RIMBP2: variants seen among roughly 807,000 people sequenced by gnomAD.
The protein encoded by RIMBP2 is RIMS binding protein 2.
RIMBP2 carries 48 observed loss-of-function variants against 118.6 expected under a neutral mutation model. The observed-to-expected ratio is 0.40, with a 90% confidence interval of 0.32 to 0.51. The LOEUF is 0.51. Among genes scored for constraint, RIMBP2 ranks in the 20% least tolerant of loss-of-function variants. The pLI is 0.41. For synonymous variants in RIMBP2, 762 were observed against 742.9 expected, an observed-to-expected ratio of 1.03 and a Z score of -0.42; for missense variants, 1,551 against 1,768.3, an observed-to-expected ratio of 0.88 and a Z score of 2.20.
chr12:130,555,420 A>G (rs1440114595), intron 2 of RIMBP2, among the ~76,000 whole-genome samples: 1 of 152,230 alleles, frequency 6.6e-6, no homozygotes, highest in Admixed American at 6.5e-5. Flanking sequence ...CTGGACACAG[A>G]CGGCCTTAGT....
intron 2 of RIMBP2, among the ~76,000 whole-genome samples, chr12:130,625,775 C>A (rs1268202691): frequency 6.6e-6 from 1 of 152,124 alleles, no homozygotes; most frequent in African/African-American, 2.4e-5. Flanking sequence ...CCCAGAATGA[C>A]CAAAATTTAA....
intron 1 of RIMBP2, among the ~76,000 whole-genome samples, chr12:130,646,329 GCCTCACCACCTCCCTCACCACCTC>G (rs1362078391): frequency 3.7e-4 from 1 of 2,676 alleles, no homozygotes; most frequent in Non-Finnish European, 7.9e-4. Flanking sequence ...CTCTCCACCT[GCCTCACCACCTCCCTCACCACCTC>G]CCTCACCACC....
At chr12:130,522,117 G>GGGATTTAA (rs764449954) in intron 2 of RIMBP2, among the ~76,000 whole-genome samples, 28 of 152,338 alleles carry the variant, frequency 1.8e-4, no homozygotes, top group Non-Finnish European at 3.4e-4. Context: ...CCCTCCCAGG[G>GGGATTTAA]CAGCTACAGA....
In RIMBP2 at chr12:130,694,627, G is replaced by A. The variant is rs138342814; in HGVS notation, c.-352+21595C>T. Among the ~76,000 whole-genome samples the A allele has an allele frequency of 3.1e-3, 465 of 152,200 alleles. 1 individual carries two copies. The highest frequency in any genetic ancestry group is 0.011 in the African/African-American group (441 of 41,520). The stretch of plus-strand genomic sequence containing the variant: ...CCACGGCCCTCCCGTAGAGAATTCC[G>A]CTCATCCTTCTTCTCTGCATGGATG... On this transcript the variant is annotated intron_variant, in intron 1 of 22. Coordinates refer to ENST00000690449, the MANE Select transcript of RIMBP2 (RefSeq NM_001393629.1).
At chr12:130,466,673 T>C (rs535605111) in intron 6 of RIMBP2, among the ~76,000 whole-genome samples, 2 of 152,274 alleles carry the variant, frequency 1.3e-5, no homozygotes, top group African/African-American at 4.8e-5. Context: ...CCCTCAGAAT[T>C]TGCACACACA....
chr12:130,461,320 G>A (rs780738732), intron 6 of RIMBP2, among the ~76,000 whole-genome samples: 33 of 152,304 alleles, frequency 2.2e-4, no homozygotes, highest in African/African-American at 6.5e-4. Flanking sequence ...AGTCCTGCAC[G>A]CAGACTGGCA....
intron 2 of RIMBP2, among the ~76,000 whole-genome samples, chr12:130,604,204 TAAAGA>T (rs1269085696): frequency 6.6e-6 from 1 of 151,090 alleles, no homozygotes; most frequent in Non-Finnish European, 1.5e-5. Flanking sequence ...AATAAGGATA[TAAAGA>T]AAAGGATTTT....
chr12:130,470,544 G>T, intron 6 of RIMBP2, 149 bp downstream of exon 6: 1 of 418,584 alleles, frequency 2.4e-6, no homozygotes, highest in Non-Finnish European at 4.1e-6. Context: ...TTGCTTGTGA[G>T]GATGACATGA....
intron 1 of RIMBP2, among the ~76,000 whole-genome samples, chr12:130,629,631 C>A (rs967232514): frequency 6.6e-6 from 1 of 152,150 alleles, no homozygotes; most frequent in Non-Finnish European, 1.5e-5. Flanking sequence ...GTGGATACCC[C>A]TCCCCAGATC....
At chr12:130,632,845 CAG>C (rs2062087542) in intron 1 of RIMBP2, among the ~76,000 whole-genome samples, 1 of 152,160 alleles carries the variant, frequency 6.6e-6, no homozygotes, top group Non-Finnish European at 1.5e-5. Flanking sequence ...TTTTAATTAA[CAG>C]AGCCATTTAG....
At chr12:130,448,332 A>G (rs2078712634) in intron 9 of RIMBP2, among the ~76,000 whole-genome samples, 1 of 152,184 alleles carries the variant, frequency 6.6e-6, no homozygotes, top group Admixed American at 6.5e-5. Flanking sequence ...CAGAAAAGCC[A>G]TGCCCTCTCC....
In RIMBP2 at chr12:130,703,125, A is replaced by T. The variant is rs1333070935; in HGVS notation, c.-352+13097T>A. 1.3e-5 allele frequency among the ~76,000 whole-genome samples: 2 copies of T among 152,076 alleles called. No homozygotes were observed. The highest frequency in any genetic ancestry group is 2.9e-5 in the Non-Finnish European group (2 of 68,012). ...GTCACTGCAGCAGGCCAGGGGTGGG[A>T]TTCTTTGCCTGGCAGTTGGAGATAA... On this transcript the variant is annotated intron_variant, in intron 1 of 22. Transcript: ENST00000690449. This position sits in a 1 kb window ranked among gnomAD's most constrained non-coding sequence, Gnocchi z 5.7.
intron 1 of RIMBP2, chr12:130,658,720 C>A (rs116634416): frequency 6.6e-6 from 1 of 152,314 alleles, no homozygotes; most frequent in East Asian, 1.9e-4. Context: ...CCTCCCGAGC[C>A]GGGTTCTGGG....
intron 2 of RIMBP2, among the ~76,000 whole-genome samples, chr12:130,596,140 C>T (rs942718792): frequency 3.3e-5 from 5 of 152,126 alleles, no homozygotes; most frequent in Admixed American, 2.0e-4. Context: ...CCCGAATGTG[C>T]GCACGGTTCC....
chr12:130,569,382 G>A lies in RIMBP2; in HGVS notation c.-216-51465C>T, dbSNP rs117273303. 3.8e-4 allele frequency among the ~76,000 whole-genome samples: 58 copies of A among 152,268 alleles called. 1 individual carries two copies. In the East Asian group the frequency reaches 9.3e-3, roughly 24 times the overall value. On this transcript the variant is annotated intron_variant, in intron 2 of 22. Coordinates refer to ENST00000690449, the MANE Select transcript of RIMBP2 (RefSeq NM_001393629.1). ...AGAATCCCAGGCTCCTTCTTCTCAC[G>A]CCCAGTTCTTCTCCAAAAACTCACC...
At position 130,424,969 on chromosome 12, in the gene RIMBP2, AG is replaced by A. The variant is rs577385946; in HGVS notation, c.2413-112del. On this transcript the variant is annotated intron_variant, in intron 15 of 22. Transcript: ENST00000690449. The surrounding 1 kb of genome is among the most constrained non-coding windows in gnomAD (Gnocchi z 9.8). ...GACAGAATTAGTCCTGGAGGCACCG[AG>A]GGGGGGGAAGCATGCGTCTACTCAG... 274 of 512,678 alleles carry A rather than the reference AG, an allele frequency of 5.3e-4. 1 individual carries two copies. The highest frequency in any genetic ancestry group is 2.5e-3 in the East Asian group (66 of 26,142). The allele number at this position is 512,678 out of a possible 1,614,324, so 31.8% of individuals were successfully genotyped here.
chr12:130,626,855 T>C (rs1433407977), intron 2 of RIMBP2, among the ~76,000 whole-genome samples: 1 of 130,166 alleles, frequency 7.7e-6, no homozygotes, highest in Non-Finnish European at 1.6e-5. Flanking sequence ...TGACTATCAG[T>C]CATCACCATC....
rs1457071575 is a variant in RIMBP2 at position 130,414,472 on chromosome 12, A to T, written c.3239-166T>A. ...AAATAGATCGGGAGGTCTAGGTCAGATGAATTGGAGAAGCACATAACCACA... is the reference window on the plus strand; with the variant it reads ...AAATAGATCGGGAGGTCTAGGTCAGTTGAATTGGAGAAGCACATAACCACA... On this transcript the variant is annotated intron_variant, in intron 17 of 22. Transcript: ENST00000690449. 1.5e-5 allele frequency: 9 copies of T among 613,200 alleles called. No homozygotes were observed. In the South Asian group the frequency reaches 1.8e-4, roughly 12 times the overall value. 38.0% of individuals were successfully genotyped at this position (613,200 alleles called of 1,614,324 possible).
At position 130,402,524 on chromosome 12, in the gene RIMBP2, A is replaced by AC. The variant is rs150440972; in HGVS notation, c.3766-2712dup. Among the ~76,000 whole-genome samples, 452 of 152,222 alleles carry AC rather than the reference A, an allele frequency of 3.0e-3. 4 individuals carry two copies. Among genetic ancestry groups the AC allele is most frequent in the African/African-American group, 0.011 (441 of 41,538 alleles). On this transcript the variant is annotated intron_variant, in intron 21 of 22. Transcript: ENST00000690449. ...CACTCCCATCCCCCTTCAAAAGTGT[A>AC]CCATCAAAACCCTTTACAGAATAAC...
Sources: allele counts gnomAD v4.1 joint callset (sites outside exome capture counted in the v4.1 genomes callset), GRCh38; gene constraint gnomAD v4.1.1; non-coding constraint Gnocchi (gnomAD v3.1); transcripts MANE v1.5; gene names NCBI Gene and HGNC (gene_info 2026-07-23, HGNC 2026-07-21).